DNAH8: variants seen among roughly 807,000 people sequenced by gnomAD.
The protein encoded by DNAH8 is axonemal beta dynein heavy chain 8.
Under a neutral mutation model 562.1 loss-of-function variants are expected in DNAH8, and 382 were observed. The observed-to-expected ratio is 0.68, with a 90% confidence interval of 0.63 to 0.74. DNAH8 has a LOEUF of 0.74. Ranked by LOEUF, DNAH8 falls within the 30% of genes least tolerant of loss-of-function variation. DNAH8 has a pLI of 0.00. For synonymous variants in DNAH8, 1,881 were observed against 1,919.4 expected (o/e 0.98, Z 0.52); for missense variants, 5,203 against 5,620.4 (o/e 0.93, Z 2.37).
chr6:38,826,500 A>T, intron 29 of DNAH8, 109 bp downstream of exon 29: 1 of 726,406 alleles, frequency 1.4e-6, no homozygotes, highest in Non-Finnish European at 2.3e-6. Flanking sequence ...TATGTAGCAC[A>T]GTCTGCCTAT....
intron 31 of DNAH8, among the ~76,000 whole-genome samples, chr6:38,833,797 A>T (rs1166293945): frequency 1.3e-5 from 2 of 149,860 alleles, no homozygotes; most frequent in East Asian, 3.9e-4. Context: ...AGATAAACTT[A>T]AAAAAAAAAT....
chr6:38,732,993 A>G (rs1763773020), intron 4 of DNAH8, among the ~76,000 whole-genome samples: 1 of 151,926 alleles, frequency 6.6e-6, no homozygotes. Flanking sequence ...GGCTCAAGTG[A>G]TTCTCCTGCC....
intron 11 of DNAH8, among the ~76,000 whole-genome samples, chr6:38,767,368 C>T (rs1045958791): frequency 6.6e-6 from 1 of 151,098 alleles, no homozygotes. Flanking sequence ...ACCTGGGAGG[C>T]GTAGATTGCA....
chr6:38,750,425 A>G (rs2127594957), intron 8 of DNAH8, 51 bp from the exon 9 acceptor site: 2 of 1,233,190 alleles, frequency 1.6e-6, no homozygotes, highest in Non-Finnish European at 2.3e-6. Context: ...AAACTTTAGC[A>G]CACTGATATA....
chr6:38,750,694 G>A, intron 9 of DNAH8, 105 bp downstream of exon 9: 1 of 632,702 alleles, frequency 1.6e-6, no homozygotes, highest in East Asian at 2.9e-5. Context: ...GAGCCCAGGA[G>A]TGCAAGGCTG....
chr6:38,717,745 T>A (rs1487975201), intron 1 of DNAH8, among the ~76,000 whole-genome samples: 4 of 152,068 alleles, frequency 2.6e-5, no homozygotes, highest in African/African-American at 9.7e-5. Flanking sequence ...TATTAATAAT[T>A]TATTGTGTAT....
At chr6:38,885,651 G>T (rs12530017) in intron 56 of DNAH8, among the ~76,000 whole-genome samples, 1 of 151,966 alleles carries the variant, frequency 6.6e-6, no homozygotes, top group Non-Finnish European at 1.5e-5. Context: ...CTTTGTATAC[G>T]CTGGATATGG....
chr6:38,715,960 A>ATATATATATTTTT (rs1372342002), intron 1 of DNAH8, among the ~76,000 whole-genome samples: 1 of 23,636 alleles, frequency 4.2e-5, no homozygotes, highest in Non-Finnish European at 6.2e-5. Flanking sequence ...ATATATATAT[A>ATATATATATTTTT]TTTTTTTTTT....
intron 48 of DNAH8, among the ~76,000 whole-genome samples, chr6:38,868,454 A>G (rs1777224976): frequency 6.6e-6 from 1 of 152,198 alleles, no homozygotes; most frequent in Non-Finnish European, 1.5e-5. Flanking sequence ...TCCAAGACTC[A>G]ACCTAGTTGT....
intron 82 of DNAH8, among the ~76,000 whole-genome samples, chr6:38,961,434 G>A (rs866383574): frequency 6.6e-6 from 1 of 151,826 alleles, no homozygotes; most frequent in Non-Finnish European, 1.5e-5. Flanking sequence ...ATGTGTCAAT[G>A]AAAAACAAAA....
intron 66 of DNAH8, 103 bp downstream of exon 66, chr6:38,911,689 C>G: frequency 1.2e-6 from 1 of 800,024 alleles, no homozygotes; most frequent in South Asian, 1.7e-5. Context: ...ATGAAATACT[C>G]ACTTTGTTAG....
In DNAH8 at chr6:38,978,417, A is replaced by T. The variant is rs144470092; in HGVS notation, c.12834+3888A>T. Among the ~76,000 whole-genome samples the T allele has an allele frequency of 3.5e-3, 527 of 152,306 alleles. 4 individuals carry two copies. Among genetic ancestry groups the T allele is most frequent in the Admixed American group, 5.4e-3 (82 of 15,310 alleles). ...ACATTCCTTTCAAATTTAATAGTGC[A>T]TATAAAGTTCTTGCTTTGGGGAGAG... On this transcript the variant is annotated intron_variant, in intron 85 of 92. Coordinates refer to ENST00000327475, the MANE Select transcript of DNAH8 (RefSeq NM_001206927.2).
At chr6:38,820,668 T>C (rs943978241) in intron 26 of DNAH8, among the ~76,000 whole-genome samples, 3 of 152,210 alleles carry the variant, frequency 2.0e-5, no homozygotes, top group Admixed American at 1.3e-4. Context: ...TAAAAAGTGT[T>C]GTATAGTTTG....
chr6:38,985,036 C>G (rs545255548), intron 87 of DNAH8, among the ~76,000 whole-genome samples: 2 of 152,178 alleles, frequency 1.3e-5, no homozygotes, highest in South Asian at 4.1e-4. Flanking sequence ...ATTTCAAGCC[C>G]CAAAATAAGT....
chr6:38,969,522 G>A (rs1763191564), intron 82 of DNAH8, among the ~76,000 whole-genome samples: 1 of 152,134 alleles, frequency 6.6e-6, no homozygotes, highest in African/African-American at 2.4e-5. Flanking sequence ...TGCCGTTTTA[G>A]ATAGAACAAG....
intron 59 of DNAH8, among the ~76,000 whole-genome samples, chr6:38,895,282 C>G (rs999325263): frequency 6.6e-6 from 1 of 152,086 alleles, no homozygotes; most frequent in African/African-American, 2.4e-5. Context: ...GAGTAAGGAG[C>G]ATTGTCATCA....
At chr6:38,718,473 G>A (rs1762506048) in intron 1 of DNAH8, among the ~76,000 whole-genome samples, 1 of 152,114 alleles carries the variant, frequency 6.6e-6, no homozygotes, top group Non-Finnish European at 1.5e-5. Context: ...TGTAGAAAAT[G>A]CATCTCAAAT....
intron 11 of DNAH8, among the ~76,000 whole-genome samples, chr6:38,769,327 G>A (rs72849154): frequency 2.0e-5 from 3 of 152,008 alleles, no homozygotes; most frequent in African/African-American, 4.8e-5. Context: ...CTGCCAACCC[G>A]TCATCTACAT....
chr6:38,725,251 C>A (rs1763110135), intron 3 of DNAH8, among the ~76,000 whole-genome samples: 1 of 149,462 alleles, frequency 6.7e-6, no homozygotes, highest in African/African-American at 2.5e-5. Context: ...TGCAGTGAGC[C>A]GAGACTGTAC....
Sources: allele counts gnomAD v4.1 joint callset (sites outside exome capture counted in the v4.1 genomes callset), GRCh38; gene constraint gnomAD v4.1.1; transcripts MANE v1.5; gene names NCBI Gene and HGNC (gene_info 2026-07-23, HGNC 2026-07-21).